The following SRRM1 variants were observed in gnomAD, a reference collection of about 807,000 sequenced individuals.
The protein encoded by SRRM1 is serine and arginine repetitive matrix 1.
Under a neutral mutation model 110.2 loss-of-function variants are expected in SRRM1, and 19 were observed. That is an observed-to-expected ratio of 0.17 (90% CI 0.12 to 0.25). The LOEUF (loss-of-function observed/expected upper bound fraction) is 0.25. Ranked by LOEUF, SRRM1 falls within the 10% of genes least tolerant of loss-of-function variation. The pLI, the probability that SRRM1 is intolerant of heterozygous loss-of-function variation, is 1.00. For missense variants in SRRM1, 918 were observed against 1,145.8 expected, an observed-to-expected ratio of 0.80 and a Z score of 2.87; for synonymous variants, 443 against 414.9, an observed-to-expected ratio of 1.07 and a Z score of -0.82.
intron 16 of SRRM1, 117 bp from the exon 17 acceptor site, chr1:24,672,065 T>G: frequency 1.4e-6 from 1 of 701,862 alleles, no homozygotes; most frequent in Non-Finnish European, 2.4e-6. Flanking sequence ...CTGCTCCCCC[T>G]ACCCCACAAC....
chr1:24,649,175 C>T lies in SRRM1; in HGVS notation c.405+146C>T, dbSNP rs142136557. On this transcript the variant is annotated intron_variant, in intron 4 of 16. Transcript: ENST00000323848. ...TTAAACATTCAGTTTTGGTTCACTG[C>T]TCCTCCCTCCAACCAAACATTGAGT... 5.3e-5 allele frequency: 33 copies of T among 627,670 alleles called. No individual in the cohort carries two copies. In the East Asian group the frequency reaches 8.0e-4, roughly 15 times the overall value. 38.9% of individuals were successfully genotyped at this position (627,670 alleles called of 1,614,324 possible). A position where few individuals can be genotyped will look rare whatever the true frequency, so the allele number is the denominator to read the frequency against.
intron 9 of SRRM1, among the ~76,000 whole-genome samples, chr1:24,658,806 T>A (rs906179314): frequency 2.0e-5 from 3 of 152,246 alleles, no homozygotes; most frequent in African/African-American, 7.2e-5. Flanking sequence ...TATAGTTTGC[T>A]ATTTGCACTG....
chr1:24,654,773 T>A (rs1316339947), intron 8 of SRRM1, 82 bp from the exon 9 acceptor site: 1 of 1,519,166 alleles, frequency 6.6e-7, no homozygotes. Flanking sequence ...AAAATAGCTG[T>A]ATTTTTGTGT....
At chr1:24,663,263 C>A (rs1209589890) in intron 12 of SRRM1, 2 of 1,452,428 alleles carry the variant, frequency 1.4e-6, no homozygotes, top group Admixed American at 2.2e-5. Flanking sequence ...GGTTACATGT[C>A]AAAAATTGTA....
intron 1 of SRRM1, among the ~76,000 whole-genome samples, chr1:24,645,535 GGAT>G (rs1303869711): frequency 1.3e-5 from 2 of 152,142 alleles, no homozygotes; most frequent in Non-Finnish European, 2.9e-5. Context: ...CACAGTCCTG[GGAT>G]GTTCTTTTTT....
intron 8 of SRRM1, chr1:24,654,323 C>T (rs754235936): frequency 1.9e-5 from 24 of 1,289,590 alleles, no homozygotes; most frequent in Admixed American, 1.4e-4. Context: ...GGAATTCTTC[C>T]GCCAAAGGTG....
intron 10 of SRRM1, 139 bp downstream of exon 10, chr1:24,660,938 A>G (rs1666921646): frequency 1.8e-6 from 1 of 561,540 alleles, no homozygotes; most frequent in Admixed American, 3.6e-5. Context: ...CTCTGAAGGC[A>G]GACAGACTTG....
chr1:24,643,494 C>CCG (rs1553162728), intron 1 of SRRM1, 147 bp downstream of exon 1: 11 of 557,346 alleles, frequency 2.0e-5, no homozygotes, highest in African/African-American at 5.2e-5. Flanking sequence ...CCCCCCCCCC[C>CCG]CCGTGCGCTG....
chr1:24,649,979 A>G lies in SRRM1; in HGVS notation c.414A>G (p.Gln138=), dbSNP rs768966598. ...KEEIKQRQIE[Q]EKLASMKKQD... ...AAACCTGGTCTTTGCAGATTGAACA[A>G]GAAAAACTGGCATCTATGAAAAAGC... Residue 138 remains glutamine (Q), a synonymous_variant, in exon 5 of 17, where the codon CAA becomes CAG. Transcript: ENST00000323848. 17 of 1,581,954 alleles carry G rather than the reference A, an allele frequency of 1.1e-5. No homozygotes were observed. The highest frequency in any genetic ancestry group is 1.4e-5 in the African/African-American group (1 of 73,458).
chr1:24,646,232 A>G (rs1472803512), intron 2 of SRRM1, among the ~76,000 whole-genome samples, 159 bp downstream of exon 2: 4 of 152,204 alleles, frequency 2.6e-5, no homozygotes, highest in African/African-American at 9.6e-5. Context: ...GCCATATAAG[A>G]ATTAGCAGAT....
At chr1:24,644,399 A>G (rs1656034736) in intron 1 of SRRM1, among the ~76,000 whole-genome samples, 1 of 152,132 alleles carries the variant, frequency 6.6e-6, no homozygotes, top group Admixed American at 6.5e-5. Flanking sequence ...AAGCCAATAT[A>G]TCCGTTTTCT....
intron 12 of SRRM1, chr1:24,663,307 C>A: frequency 9.2e-7 from 1 of 1,081,238 alleles, no homozygotes; most frequent in Non-Finnish European, 1.3e-6. Flanking sequence ...GACCTCATCT[C>A]ATTCTTAAAT....
At chr1:24,663,300 C>G (rs1347877637) in intron 12 of SRRM1, 4 of 1,138,442 alleles carry the variant, frequency 3.5e-6, no homozygotes, top group South Asian at 1.7e-5. Context: ...TTTAGGTGAC[C>G]TCATCTCATT....
In SRRM1 at chr1:24,670,242, C is replaced by T. The variant is rs150723178; in HGVS notation, c.2327C>T (p.Pro776Leu). 23 of 1,613,980 alleles carry T rather than the reference C, an allele frequency of 1.4e-5. No homozygotes were observed. The highest frequency in any genetic ancestry group is 4.0e-5 in the African/African-American group (3 of 74,890). Reference sequence around the variant, plus strand: ...CCATCCCCCGTCCAGTCTCAGTCACCGTCTACAAACTGGTCACCAGCTGTA... The same window carrying T: ...CCATCCCCCGTCCAGTCTCAGTCACTGTCTACAAACTGGTCACCAGCTGTA... ...APPSPVQSQS[P>L]STNWSPAVPV... is the part of the protein sequence containing the mutation. The change falls in exon 15 of 17, where the codon CCG becomes CTG. Residue 776 changes from proline to leucine, a missense_variant. Pro to Leu is a moderately conservative substitution (Grantham distance 98). Around this residue, in one of 5 missense-constraint regions of SRRM1, gnomAD observed 357 missense variants for 402.9 expected, o/e 0.89. Transcript: ENST00000323848.
In SRRM1 at chr1:24,662,790, A is replaced by G; in HGVS notation, c.1614A>G (p.Lys538=). 6.2e-7 allele frequency: 1 copy of G among 1,614,184 alleles called. No homozygotes were observed. The highest frequency in any genetic ancestry group is 8.5e-7 in the Non-Finnish European group (1 of 1,180,006). ...CTCCATCACCACGAAAGCGCCAAAA[A>G]GAGACTTCCCCTCGGTAACATCTTT... The part of the protein sequence containing the change: ...SASPSPRKRQ[K]ETSPRGRRRR... Residue 538 remains lysine, a synonymous_variant, in exon 12 of 17, where the codon AAA becomes AAG. Transcript: ENST00000323848.
intron 1 of SRRM1, chr1:24,643,651 C>T: frequency 2.7e-6 from 1 of 375,460 alleles, no homozygotes; most frequent in Non-Finnish European, 4.7e-6. Flanking sequence ...GCAGGCCGAG[C>T]GCCGTGCGTG....
chr1:24,653,068 G>GAC (rs1355029585), intron 8 of SRRM1, 36 bp downstream of exon 8: 1 of 1,592,294 alleles, frequency 6.3e-7, no homozygotes. Context: ...TCAAGTGTTT[G>GAC]ACACTTCTGG....
chr1:24,663,880 ATAATAAT>A (rs1454233542), intron 12 of SRRM1, among the ~76,000 whole-genome samples: 66 of 9,480 alleles, frequency 7.0e-3, no homozygotes, highest in African/African-American at 0.034. Flanking sequence ...CCTCTCAAAA[ATAATAAT>A]AATAATAATA....
chr1:24,660,131 A>G (rs1428783184), intron 9 of SRRM1, among the ~76,000 whole-genome samples: 2 of 152,066 alleles, frequency 1.3e-5, no homozygotes, highest in African/African-American at 2.4e-5. Context: ...GAACCCACCT[A>G]TTGTGGTTGC....
Sources: allele counts gnomAD v4.1 joint callset (sites outside exome capture counted in the v4.1 genomes callset), GRCh38; gene constraint gnomAD v4.1.1; regional missense constraint gnomAD v4.1.1; transcripts MANE v1.5; gene names NCBI Gene and HGNC (gene_info 2026-07-23, HGNC 2026-07-21).